Variants in PTPRR observed in about 807,000 individuals in gnomAD.
The protein encoded by PTPRR is protein tyrosine phosphatase receptor type R, also known as receptor-type tyrosine-protein phosphatase R.
In PTPRR, 38 loss-of-function variants were observed where a neutral mutation model predicts 77.2. The observed-to-expected ratio is 0.49, with a 90% CI of 0.38 to 0.65. The LOEUF (loss-of-function observed/expected upper bound fraction) is 0.65. Ranked by LOEUF, PTPRR falls within the 30% of genes least tolerant of loss-of-function variation. The pLI, the probability that PTPRR is intolerant of heterozygous loss-of-function variation, is 0.00. For missense variants in PTPRR, 744 were observed against 799.2 expected (o/e 0.93, Z 0.83); for synonymous variants, 299 against 283.1 (o/e 1.06, Z -0.57).
At chr12:70,757,656 C>T (rs1890593932) in intron 4 of PTPRR, among the ~76,000 whole-genome samples, 2 of 152,036 alleles carry the variant, frequency 1.3e-5, no homozygotes, top group Admixed American at 1.3e-4. Context: ...AATAAAAAAC[C>T]ATATCCTTCC....
intron 10 of PTPRR, among the ~76,000 whole-genome samples, chr12:70,665,331 A>C (rs1248858994): frequency 6.8e-6 from 1 of 148,044 alleles, no homozygotes; most frequent in Admixed American, 6.7e-5. Flanking sequence ...GGTTTACAGC[A>C]AAAGTAGGAT....
chr12:70,882,280 T>C (rs1274397707), intron 2 of PTPRR, among the ~76,000 whole-genome samples: 1 of 152,206 alleles, frequency 6.6e-6, no homozygotes, highest in Non-Finnish European at 1.5e-5. Context: ...TTCCTTTACT[T>C]GTTATTGCTG....
chr12:70,659,351 G>A (rs1379146582), intron 12 of PTPRR, among the ~76,000 whole-genome samples: 1 of 152,170 alleles, frequency 6.6e-6, no homozygotes, highest in Non-Finnish European at 1.5e-5. Context: ...GGTCAGAAGG[G>A]CCTGAACTAT....
intron 2 of PTPRR, among the ~76,000 whole-genome samples, chr12:70,777,534 ATAT>A (rs1291118757): frequency 2.0e-5 from 3 of 152,152 alleles, no homozygotes; most frequent in Non-Finnish European, 2.9e-5. Flanking sequence ...TTTTGTAATT[ATAT>A]TATTATTTCT....
chr12:70,695,816 T>C (rs1034047109), intron 8 of PTPRR, among the ~76,000 whole-genome samples: 2 of 152,136 alleles, frequency 1.3e-5, no homozygotes, highest in African/African-American at 4.8e-5. Flanking sequence ...AGTATAGTCA[T>C]AAAATAACCT....
intron 10 of PTPRR, among the ~76,000 whole-genome samples, chr12:70,665,364 C>CTTTTTTTTTTTTTTTTTTTTTTTTTTT (rs72472808): frequency 9.0e-5 from 4 of 44,604 alleles, no homozygotes; most frequent in Admixed American, 4.0e-4. Context: ...AATGCAAATT[C>CTTTTTTTTTTTTTTTTTTTTTTTTTTT]TTTTTTTTTT....
intron 1 of PTPRR, among the ~76,000 whole-genome samples, chr12:70,900,177 AAAAT>A (rs1196983766): frequency 2.6e-5 from 4 of 151,556 alleles, no homozygotes; most frequent in African/African-American, 9.6e-5. Context: ...ATAGAAAGGC[AAAAT>A]AAATAGAAAG....
chr12:70,839,321 GT>G (rs1892355964), intron 2 of PTPRR, among the ~76,000 whole-genome samples: 1 of 150,084 alleles, frequency 6.7e-6, no homozygotes, highest in African/African-American at 2.4e-5. Context: ...CTGGATATGT[GT>G]GTGTGTGTGT....
intron 6 of PTPRR, among the ~76,000 whole-genome samples, chr12:70,724,668 C>T (rs1045434688): frequency 2.6e-5 from 4 of 152,018 alleles, no homozygotes; most frequent in Non-Finnish European, 2.9e-5. Context: ...TTGGTAGTTA[C>T]CACTGCTACT....
At chr12:70,854,678 G>A (rs1292532964) in intron 2 of PTPRR, among the ~76,000 whole-genome samples, 1 of 152,192 alleles carries the variant, frequency 6.6e-6, no homozygotes, top group Non-Finnish European at 1.5e-5. Flanking sequence ...GCTGGCTCTG[G>A]ATCTAGACAG....
At chr12:70,873,396 C>A (rs892939492) in intron 2 of PTPRR, among the ~76,000 whole-genome samples, 3 of 152,124 alleles carry the variant, frequency 2.0e-5, no homozygotes, top group African/African-American at 7.2e-5. Context: ...CACTGAGAAA[C>A]AATTGCAGAG....
Position 70,761,326 on chromosome 12 carries a change from T to C in PTPRR, c.627+145A>G, listed in dbSNP as rs2292499. ...GAAGTAAACATATACAATGTAAAGATCAGAGAATTCTGACACTCAGGGAAA... is the reference window on the plus strand; with the variant it reads ...GAAGTAAACATATACAATGTAAAGACCAGAGAATTCTGACACTCAGGGAAA... On this transcript the variant is annotated intron_variant, in intron 4 of 13. Transcript: ENST00000283228. The C allele has an allele frequency of 1.4e-5, 10 of 704,238 alleles. No individual in the cohort carries two copies. The East Asian group carries it at 2.4e-4, about 17-fold the overall frequency. The allele number at this position is 704,238 out of a possible 1,614,324, so 43.6% of individuals were successfully genotyped here.
Position 70,920,450 on chromosome 12 carries a change from C to T in PTPRR, c.-60G>A, listed in dbSNP as rs1015414248. ...CCACGACCCCACTTCAGGTAAAGTG[C>T]TATTAGAAAGAGCCACCGCCAAGGG... On this transcript the variant is annotated 5_prime_UTR_variant, in exon 1 of 14. Transcript: ENST00000283228. 4.5e-6 allele frequency: 7 copies of T among 1,539,830 alleles called. No individual in the cohort carries two copies. Among genetic ancestry groups the T allele is most frequent in the African/African-American group, 2.7e-5 (2 of 72,952 alleles).
chr12:70,763,053 T>C (rs1890728868), intron 3 of PTPRR, among the ~76,000 whole-genome samples: 1 of 151,870 alleles, frequency 6.6e-6, no homozygotes, highest in South Asian at 2.1e-4. Flanking sequence ...AAAATATATA[T>C]GCACAGGTTG....
rs116516021 is a variant in PTPRR, at chr12:70,788,626, C to T, written c.358-23848G>A. 5.9e-3 allele frequency among the ~76,000 whole-genome samples: 901 copies of T among 152,298 alleles called. 8 individuals are homozygous for T. Among genetic ancestry groups the T allele is most frequent in the African/African-American group, 0.021 (873 of 41,582 alleles). ...TTTACTGTTAAGATATTTTGAATGA[C>T]TGCATAGCATTTTCTTTTAATTTCA... On this transcript the variant is annotated intron_variant, in intron 2 of 13. Transcript: ENST00000283228.
intron 13 of PTPRR, among the ~76,000 whole-genome samples, chr12:70,644,688 C>T (rs1457214049): frequency 6.6e-6 from 1 of 152,162 alleles, no homozygotes; most frequent in Non-Finnish European, 1.5e-5. Context: ...TATTGTTACT[C>T]TTTGGTACCA....
At chr12:70,819,906 G>T (rs1034226759) in intron 2 of PTPRR, among the ~76,000 whole-genome samples, 6 of 152,024 alleles carry the variant, frequency 3.9e-5, no homozygotes, top group African/African-American at 1.5e-4. Flanking sequence ...GCTATGAAGA[G>T]AAGTTCTTCA....
intron 2 of PTPRR, among the ~76,000 whole-genome samples, chr12:70,822,999 T>C (rs1453432860): frequency 6.6e-6 from 1 of 151,838 alleles, no homozygotes; most frequent in Non-Finnish European, 1.5e-5. Context: ...AACCAAACAT[T>C]TTGGGGGCTT....
At chr12:70,725,540 AATTT>A (rs1168754305) in intron 6 of PTPRR, among the ~76,000 whole-genome samples, 1 of 152,186 alleles carries the variant, frequency 6.6e-6, no homozygotes, top group Non-Finnish European at 1.5e-5. Context: ...GTCAGCAAAG[AATTT>A]AGCACATGGA....
Sources: allele counts gnomAD v4.1 joint callset (sites outside exome capture counted in the v4.1 genomes callset), GRCh38; gene constraint gnomAD v4.1.1; transcripts MANE v1.5; gene names NCBI Gene and HGNC (gene_info 2026-07-23, HGNC 2026-07-21).